Variants in LRRTM4 observed in about 807,000 individuals in gnomAD.
LRRTM4 encodes the protein leucine-rich repeat transmembrane neuronal protein 4.
A neutral mutation model predicts 47.6 loss-of-function variants in LRRTM4; 25 were observed. That is an observed-to-expected ratio of 0.53 (90% CI 0.38 to 0.73). The LOEUF (loss-of-function observed/expected upper bound fraction) is 0.73, where lower values mean the gene tolerates loss of function less well. LRRTM4 is among the 30% of genes least tolerant of loss of function. The pLI is 0.00. For synonymous variants in LRRTM4, 311 were observed against 269.5 expected, an observed-to-expected ratio of 1.15 and a Z score of -1.51; for missense variants, 638 against 713.4, an observed-to-expected ratio of 0.89 and a Z score of 1.20.
intron 3 of LRRTM4, among the ~76,000 whole-genome samples, chr2:77,066,970 T>A (rs894133582): frequency 1.3e-5 from 2 of 152,174 alleles, no homozygotes; most frequent in African/African-American, 4.8e-5. Context: ...GGATTCCCCA[T>A]GGGGGAAGTG....
chr2:76,802,378 A>T (rs1675745604), intron 3 of LRRTM4, among the ~76,000 whole-genome samples: 1 of 152,158 alleles, frequency 6.6e-6, no homozygotes, highest in Non-Finnish European at 1.5e-5. Flanking sequence ...CATTTACAAT[A>T]TCTACAAGAT....
At chr2:76,968,958 T>C (rs1415289929) in intron 3 of LRRTM4, among the ~76,000 whole-genome samples, 1 of 151,888 alleles carries the variant, frequency 6.6e-6, no homozygotes, top group African/African-American at 2.4e-5. Context: ...TTGCAGTCAT[T>C]TGGTCTTTGC....
intron 3 of LRRTM4, among the ~76,000 whole-genome samples, chr2:77,086,307 C>T (rs1680710523): frequency 6.6e-6 from 1 of 152,022 alleles, no homozygotes; most frequent in South Asian, 2.1e-4. Context: ...GTAATAAAGC[C>T]AGAGGCAAGT....
intron 3 of LRRTM4, among the ~76,000 whole-genome samples, chr2:77,049,536 G>T (rs914486923): frequency 6.6e-6 from 1 of 151,824 alleles, no homozygotes; most frequent in Non-Finnish European, 1.5e-5. Context: ...GTATTTCTCT[G>T]ATGATTATTG....
chr2:76,940,626 C>T (rs776611597), intron 3 of LRRTM4, among the ~76,000 whole-genome samples: 5 of 152,018 alleles, frequency 3.3e-5, no homozygotes, highest in Non-Finnish European at 5.9e-5. Context: ...CACATGTACC[C>T]CTGAACTTAA....
At chr2:77,477,116 G>C (rs1328139892) in intron 3 of LRRTM4, among the ~76,000 whole-genome samples, 1 of 152,034 alleles carries the variant, frequency 6.6e-6, no homozygotes, top group East Asian at 1.9e-4. Flanking sequence ...GGACAAGAGA[G>C]AGATAGGAAG....
intron 3 of LRRTM4, among the ~76,000 whole-genome samples, chr2:77,355,602 A>G (rs1404437148): frequency 1.3e-5 from 2 of 152,200 alleles, no homozygotes; most frequent in Admixed American, 1.3e-4. Context: ...CAGTATCAAA[A>G]TGTTCAACCA....
chr2:76,757,007 A>T (rs1223689811), intron 3 of LRRTM4, among the ~76,000 whole-genome samples: 1 of 152,140 alleles, frequency 6.6e-6, no homozygotes, highest in South Asian at 2.1e-4. Context: ...AATCTAATTT[A>T]TGGAATAATT....
intron 3 of LRRTM4, among the ~76,000 whole-genome samples, chr2:77,502,863 T>G (rs1678625136): frequency 6.6e-6 from 1 of 151,528 alleles, no homozygotes; most frequent in Non-Finnish European, 1.5e-5. Flanking sequence ...ATTCATTATA[T>G]GGAGGTGAAT....
chr2:77,112,346 T>A (rs1466912828), intron 3 of LRRTM4, among the ~76,000 whole-genome samples: 2 of 152,228 alleles, frequency 1.3e-5, no homozygotes, highest in Non-Finnish European at 2.9e-5. Flanking sequence ...AGCCACCAGT[T>A]TCTACTGAGA....
At chr2:76,927,968 A>G (rs1366270764) in intron 3 of LRRTM4, among the ~76,000 whole-genome samples, 1 of 152,136 alleles carries the variant, frequency 6.6e-6, no homozygotes, top group Non-Finnish European at 1.5e-5. Flanking sequence ...GCGCAATTAC[A>G]CTGAAATGAT....
rs373247770 is a variant in LRRTM4 at position 76,904,738 on chromosome 2, G to C, written c.1552-155822C>G. Among the ~76,000 whole-genome samples the C allele has an allele frequency of 9.9e-5, 15 of 152,138 alleles. 1 individual carries two copies. Among genetic ancestry groups the C allele is most frequent in the Admixed American group, 9.8e-4 (15 of 15,270 alleles). On this transcript the variant is annotated intron_variant, in intron 3 of 3. Transcript: ENST00000409884. ...ACTCCATACACCACCGTCAAGTTTT[G>C]TATGCCAGAGCAACATCAAATGTAA...
chr2:77,142,411 G>A (rs1356892501), intron 3 of LRRTM4, among the ~76,000 whole-genome samples: 1 of 141,424 alleles, frequency 7.1e-6, no homozygotes, highest in Non-Finnish European at 1.5e-5. Context: ...TTTTGCTGCT[G>A]CTTGTTACCA....
intron 3 of LRRTM4, among the ~76,000 whole-genome samples, chr2:77,331,965 T>C (rs1287923436): frequency 1.3e-5 from 2 of 152,184 alleles, no homozygotes; most frequent in Non-Finnish European, 2.9e-5. Flanking sequence ...GAAGAACTTA[T>C]AGAACAGGAA....
At position 77,436,840 on chromosome 2, in the gene LRRTM4, C is replaced by G. The variant is rs543966951; in HGVS notation, c.1551+81478G>C. ...TAGACAAATCTTTCTGTTACTCTTTCTCTAAACAACAAAAATAACAAAGTA... is the reference window on the plus strand; with the variant it reads ...TAGACAAATCTTTCTGTTACTCTTTGTCTAAACAACAAAAATAACAAAGTA... On this transcript the variant is annotated intron_variant, in intron 3 of 3. Transcript: ENST00000409884. Among the ~76,000 whole-genome samples the G allele has an allele frequency of 3.9e-4, 60 of 151,962 alleles. 1 individual carries two copies. In the South Asian group the frequency reaches 0.012, roughly 30 times the overall value.
intron 3 of LRRTM4, among the ~76,000 whole-genome samples, chr2:77,099,497 C>T (rs931719055): frequency 1.3e-5 from 2 of 151,824 alleles, no homozygotes; most frequent in Admixed American, 6.6e-5. Context: ...TGTTAATAAT[C>T]TTAAGCAAAC....
At chr2:76,779,990 G>A (rs573968214) in intron 3 of LRRTM4, among the ~76,000 whole-genome samples, 10 of 152,204 alleles carry the variant, frequency 6.6e-5, no homozygotes, top group African/African-American at 1.9e-4. Context: ...TTGCTTGTCT[G>A]TAAAGTATTT....
At chr2:77,326,533 A>G (rs1483432027) in intron 3 of LRRTM4, among the ~76,000 whole-genome samples, 2 of 152,064 alleles carry the variant, frequency 1.3e-5, no homozygotes, top group Admixed American at 1.3e-4. Context: ...AGCTAGGACT[A>G]CAGGTATGAG....
chr2:77,329,845 A>C (rs1670904428), intron 3 of LRRTM4, among the ~76,000 whole-genome samples: 1 of 152,150 alleles, frequency 6.6e-6, no homozygotes, highest in African/African-American at 2.4e-5. Flanking sequence ...AAGAGGTAGA[A>C]AATTCTTCCA....
Sources: allele counts gnomAD v4.1 joint callset (sites outside exome capture counted in the v4.1 genomes callset), GRCh38; gene constraint gnomAD v4.1.1; transcripts MANE v1.5; gene names NCBI Gene and HGNC (gene_info 2026-07-23, HGNC 2026-07-21).